The following REV3L variants were observed in gnomAD, a reference collection of about 807,000 sequenced individuals.
REV3L encodes REV3 like, DNA directed polymerase zeta catalytic subunit.
In REV3L, 69 loss-of-function variants were observed where a neutral mutation model predicts 299.4. That is an observed-to-expected ratio of 0.23 (90% CI 0.19 to 0.28). REV3L has a LOEUF of 0.28. Among genes scored for constraint, REV3L ranks in the 10% least tolerant of loss-of-function variants. REV3L has a pLI of 1.00. For synonymous variants in REV3L, 1,238 were observed against 1,271.4 expected (o/e 0.97, Z 0.56); for missense variants, 3,128 against 3,693.8 (o/e 0.85, Z 3.97).
At chr6:111,389,920 G>C (rs983198844) in intron 6 of REV3L, among the ~76,000 whole-genome samples, 166 bp downstream of exon 6, 6 of 151,692 alleles carry the variant, frequency 4.0e-5, no homozygotes, top group African/African-American at 1.2e-4. Context: ...TTGTATTTTA[G>C]TAGAGACGGG....
intron 7 of REV3L, 113 bp downstream of exon 7, chr6:111,388,993 T>G (rs1379406867): frequency 8.0e-6 from 6 of 745,898 alleles, no homozygotes; most frequent in Middle Eastern, 2.9e-4. Flanking sequence ...ACATACAAAA[T>G]ATAAAGGTCA....
intron 1 of REV3L, among the ~76,000 whole-genome samples, chr6:111,419,900 A>C (rs992187687): frequency 4.6e-5 from 7 of 151,286 alleles, no homozygotes; most frequent in Admixed American, 2.6e-4. Flanking sequence ...GCTGGAGTGC[A>C]GTGTTGCGAT....
In REV3L at chr6:111,482,956, TCCCTCCGCAGCGGCGGCGGCG is replaced by T. The variant is rs904453360; in HGVS notation, c.-89_-69del. The stretch of plus-strand genomic sequence containing the variant: ...CAGCGGCAGCAGCAGCGGCGGCGGC[TCCCTCCGCAGCGGCGGCGGCG>T]CCCCCTCCCCTTCTCGGCACGGCCC... On this transcript the variant is annotated 5_prime_UTR_variant, in exon 1 of 32. Transcript: ENST00000368802. 8 of 1,440,330 alleles carry T rather than the reference TCCCTCCGCAGCGGCGGCGGCG, an allele frequency of 5.6e-6. No homozygotes were observed. The highest frequency in any genetic ancestry group is 1.5e-5 in the African/African-American group (1 of 66,118). 89.2% of individuals were successfully genotyped at this position (1,440,330 alleles called of 1,614,324 possible).
chr6:111,310,017 C>T lies in REV3L; in HGVS notation c.8878G>A (p.Val2960Ile), dbSNP rs764816886. 1.9e-6 allele frequency: 3 copies of T among 1,613,454 alleles called. No individual in the cohort carries two copies. Among genetic ancestry groups the T allele is most frequent in the Non-Finnish European group, 2.5e-6 (3 of 1,179,684 alleles). Residue 2960 changes from valine to isoleucine, a missense_variant, in exon 30 of 32, where the codon GTA becomes ATA. Val to Ile is a conservative substitution (Grantham distance 29). Transcript: ENST00000368802. ...CGCCTTACAAGCTGGATAAGTGGTA[C>T]TCCGGGGGTCCCATAAATGATGACG... ...PYVIIYGTPG[V>I]PLIQLVRRPV...
chr6:111,394,798 G>C (rs76004091), intron 4 of REV3L, among the ~76,000 whole-genome samples: 1,575 of 151,732 alleles, frequency 0.01, 13 homozygotes, highest in Non-Finnish European at 0.015. Context: ...GAGCTTCCAG[G>C]CTCAAATGAT....
At chr6:111,315,524 T>A in intron 26 of REV3L, 143 bp from the exon 27 acceptor site, 1 of 613,210 alleles carries the variant, frequency 1.6e-6, no homozygotes, top group Admixed American at 2.9e-5. Context: ...ATGCTTTCTA[T>A]GTAAGCTCTC....
chr6:111,369,580 C>A (rs1438219192), intron 13 of REV3L, among the ~76,000 whole-genome samples: 1 of 151,970 alleles, frequency 6.6e-6, no homozygotes, highest in East Asian at 1.9e-4. Flanking sequence ...CATGATGCAA[C>A]ATATGCAGCG....
At chr6:111,449,467 C>T (rs973380100) in intron 1 of REV3L, among the ~76,000 whole-genome samples, 1 of 152,118 alleles carries the variant, frequency 6.6e-6, no homozygotes, top group Non-Finnish European at 1.5e-5. Flanking sequence ...TCAGCACGTG[C>T]TTTGTGAGGA....
chr6:111,447,661 C>T (rs1385182795), intron 1 of REV3L, among the ~76,000 whole-genome samples: 4 of 152,116 alleles, frequency 2.6e-5, no homozygotes, highest in Non-Finnish European at 5.9e-5. Context: ...AGCATGACAA[C>T]AGCCATTATA....
At position 111,336,024 on chromosome 6, in the gene REV3L, T is replaced by C. The variant is rs554540860; in HGVS notation, c.7539-414A>G. 9.2e-5 allele frequency among the ~76,000 whole-genome samples: 14 copies of C among 151,802 alleles called. No homozygotes were observed. The South Asian group carries it at 1.9e-3, about 20-fold the overall frequency. ...AGAACATGAAGGGTCTGGGTTATCA[T>C]TGTAAGTCTAAAATAAAAACATGCA... On this transcript the variant is annotated intron_variant, in intron 21 of 31. Coordinates refer to ENST00000368802, the MANE Select transcript of REV3L (RefSeq NM_001372078.1).
rs3218602 is a variant in REV3L at position 111,307,505 on chromosome 6, A to G, written c.9108T>C (p.Tyr3036=). The G allele has an allele frequency of 8.5e-4, 1,380 of 1,614,222 alleles. 21 individuals carry two copies. In the East Asian group the frequency reaches 0.025, roughly 29 times the overall value. Residue 3036 remains tyrosine (Y), a synonymous_variant, in exon 31 of 32, where the codon TAT becomes TAC. Transcript: ENST00000368802. ...ACACAGGACAGTGTAAGGTAGTAAA[A>G]TATTGTGAAATAGTGCCTTTCCGCC... is the stretch of plus-strand genomic sequence containing the variant. ...PEGRKGTISQ[Y]FTTLHCPVCD... is the part of the protein sequence containing the mutation.
intron 24 of REV3L, 38 bp downstream of exon 24, chr6:111,331,638 G>A (rs760366276): frequency 7.1e-7 from 1 of 1,409,006 alleles, no homozygotes; most frequent in South Asian, 1.2e-5. Context: ...CAAAAGTTAA[G>A]CCATAGTTGT....
Position 111,367,906 on chromosome 6 carries a change from T to C in REV3L, c.5882A>G (p.Gln1961Arg), listed in dbSNP as rs376486833. The change falls in exon 14 of 32, where the codon CAG becomes CGG. Residue 1961 changes from glutamine to arginine, a missense_variant. Gln to Arg is a conservative substitution (Grantham distance 43). Coordinates refer to ENST00000368802, the MANE Select transcript of REV3L (RefSeq NM_001372078.1). ...LWKTAFSAMTQNPRPGSPLRS... is the reference protein window; with the variant it reads ...LWKTAFSAMTRNPRPGSPLRS... ...AAGGGGTGACCCTGGCCTTGGATTC[T>C]GAGTCATTGCTGAGAATGCTGTTTT... 1.2e-6 allele frequency: 2 copies of C among 1,614,076 alleles called. No homozygotes were observed. Among genetic ancestry groups the C allele is most frequent in the African/African-American group, 2.7e-5 (2 of 74,932 alleles).
intron 2 of REV3L, 124 bp from the exon 3 acceptor site, chr6:111,411,678 C>G (rs1175800866): frequency 3.1e-6 from 2 of 643,782 alleles, no homozygotes; most frequent in East Asian, 2.9e-5. Flanking sequence ...ATCCACCCCC[C>G]AAAAAACAAC....
intron 2 of REV3L, among the ~76,000 whole-genome samples, chr6:111,415,321 T>C (rs896665793): frequency 9.9e-5 from 15 of 152,160 alleles, no homozygotes; most frequent in African/African-American, 2.9e-4. Flanking sequence ...CAGACCTAGA[T>C]ACCAGTCTCA....
Position 111,315,384 on chromosome 6 carries a change from A to G in REV3L, c.8352-3T>C, listed in dbSNP as rs377142807. The G allele has an allele frequency of 3.1e-6, 5 of 1,608,586 alleles. No individual in the cohort carries two copies. The African/African-American group carries it at 5.4e-5, about 17-fold the overall frequency. ...CTCCTTTCAGTAGCACAAACATACTAAGGGGATTAAAAATAAAGTAAGGTA... is the reference window on the plus strand; with the variant it reads ...CTCCTTTCAGTAGCACAAACATACTGAGGGGATTAAAAATAAAGTAAGGTA... On this transcript the variant is annotated splice_polypyrimidine_tract_variant and splice_region_variant and intron_variant, in intron 26 of 31. Transcript: ENST00000368802.
chr6:111,481,791 A>G lies in REV3L; in HGVS notation c.139+959T>C, dbSNP rs374870456. The stretch of plus-strand genomic sequence containing the variant: ...GCAAAACCATTTTAAAACACCTAGT[A>G]AACTGGGCCTCTATCTTTTTTATAT... On this transcript the variant is annotated intron_variant, in intron 1 of 31. Coordinates refer to ENST00000368802, the MANE Select transcript of REV3L (RefSeq NM_001372078.1). Among the ~76,000 whole-genome samples, 10 of 152,352 alleles carry G rather than the reference A, an allele frequency of 6.6e-5. No individual in the cohort carries two copies. The East Asian group carries it at 1.9e-3, about 29-fold the overall frequency.
intron 22 of REV3L, among the ~76,000 whole-genome samples, chr6:111,335,161 T>G (rs1775780456): frequency 6.6e-6 from 1 of 152,140 alleles, no homozygotes; most frequent in Admixed American, 6.6e-5. Context: ...AAATTAAAAA[T>G]GTAAAACAAA....
chr6:111,301,784 T>A (rs998567026), intron 31 of REV3L, among the ~76,000 whole-genome samples: 4 of 152,260 alleles, frequency 2.6e-5, no homozygotes, highest in Non-Finnish European at 2.9e-5. Flanking sequence ...GATCAATTTT[T>A]AAAAATACTT....
Sources: gnomAD v4.1 joint callset for allele counts (sites outside exome capture counted in the v4.1 genomes callset) on GRCh38, gnomAD v4.1.1 for gene constraint, MANE v1.5 for transcripts, NCBI Gene and HGNC (gene_info 2026-07-23, HGNC 2026-07-21) for gene names.